ZNF292: variants seen among roughly 807,000 people sequenced by gnomAD.
The protein encoded by ZNF292 is 16 zinc-finger domain protein.
A neutral mutation model predicts 217.9 loss-of-function variants in ZNF292; 26 were observed. The ratio of observed to expected loss-of-function variants is 0.12; its 90% confidence interval spans 0.09 to 0.17. The LOEUF (loss-of-function observed/expected upper bound fraction) is 0.17. Among genes scored for constraint, ZNF292 ranks in the 10% least tolerant of loss-of-function variants. ZNF292 has a pLI of 1.00. For synonymous variants in ZNF292, 1,257 were observed against 1,124.1 expected (o/e 1.12, Z -2.37); for missense variants, 2,904 against 3,175.2 (o/e 0.91, Z 2.05).
At chr6:87,183,467 C>T (rs1264463974) in intron 1 of ZNF292, among the ~76,000 whole-genome samples, 1 of 152,036 alleles carries the variant, frequency 6.6e-6, no homozygotes, top group African/African-American at 2.4e-5. Context: ...CTAAAAGACA[C>T]AATCCTGAAC....
At position 87,264,899 on chromosome 6, in the gene ZNF292, T is replaced by C. The variant is rs79216344; in HGVS notation, c.*3098T>C. Among the ~76,000 whole-genome samples the C allele has an allele frequency of 2.2e-3, 328 of 152,266 alleles. 1 individual carries two copies. The highest frequency in any genetic ancestry group is 7.6e-3 in the African/African-American group (317 of 41,550). The stretch of plus-strand genomic sequence containing the variant: ...GGAGATTAATTAGGGGGACCTAAAA[T>C]AGTCCAGGCAAAAAATGATGGGAGC... On this transcript the variant is annotated 3_prime_UTR_variant, in exon 8 of 8. Transcript: ENST00000369577.
rs1458345513 is a variant in ZNF292, at chr6:87,260,751, C to G, written c.7122C>G (p.Ala2374=). ...ATTCTATAAAGGCTAGAAATGATGCCCTGTCTGAGTGTACAAGCAGATTTG... is the reference window on the plus strand; with the variant it reads ...ATTCTATAAAGGCTAGAAATGATGCGCTGTCTGAGTGTACAAGCAGATTTG... ...HVYSIKARND[A]LSECTSRFVT... Residue 2374 remains alanine (A), a synonymous_variant, in exon 8 of 8, where the codon GCC becomes GCG. Coordinates refer to ENST00000369577, the MANE Select transcript of ZNF292 (RefSeq NM_015021.3). The G allele has an allele frequency of 6.2e-7, 1 of 1,613,074 alleles. No individual in the cohort carries two copies. The highest frequency in any genetic ancestry group is 2.2e-5 in the East Asian group (1 of 44,868).
chr6:87,236,883 C>A (rs1562163056), intron 5 of ZNF292, among the ~76,000 whole-genome samples: 1 of 152,122 alleles, frequency 6.6e-6, no homozygotes, highest in Non-Finnish European at 1.5e-5. Context: ...TTTGTAATAT[C>A]TTTAACCAGA....
At chr6:87,248,573 T>C (rs1390321591) in intron 7 of ZNF292, among the ~76,000 whole-genome samples, 2 of 152,114 alleles carry the variant, frequency 1.3e-5, no homozygotes, top group Admixed American at 1.3e-4. Context: ...CAAGACCCTG[T>C]CTCCAAAACA....
At chr6:87,206,596 T>C (rs975190413) in intron 1 of ZNF292, among the ~76,000 whole-genome samples, 22 of 152,218 alleles carry the variant, frequency 1.4e-4, no homozygotes, top group Admixed American at 5.9e-4. Context: ...AAATGTAATA[T>C]TGACACACCA....
intron 1 of ZNF292, among the ~76,000 whole-genome samples, chr6:87,207,854 C>G (rs1447999877): frequency 6.6e-6 from 1 of 152,034 alleles, no homozygotes; most frequent in Non-Finnish European, 1.5e-5. Flanking sequence ...ATTTTCCAGG[C>G]CCATTGCACA....
chr6:87,258,574 A>G lies in ZNF292; in HGVS notation c.4945A>G (p.Thr1649Ala). 6.2e-7 allele frequency: 1 copy of G among 1,613,758 alleles called. No homozygotes were observed. The highest frequency in any genetic ancestry group is 8.5e-7 in the Non-Finnish European group (1 of 1,179,794). The change falls in exon 8 of 8, where the codon ACA becomes GCA. Residue 1649 changes from threonine to alanine, a missense_variant. Physicochemically the swap from Thr to Ala is moderately conservative, Grantham distance 58 (BLOSUM62 0). Coordinates refer to ENST00000369577, the MANE Select transcript of ZNF292 (RefSeq NM_015021.3). ...IAPNASQNLV[T>A]SDLTTMGLIA... ...ACCTAACGCTTCCCAAAACTTGGTA[A>G]CAAGTGACTTAACAACAATGGGACT...
chr6:87,231,032 C>G (rs1326246826), intron 4 of ZNF292, among the ~76,000 whole-genome samples: 1 of 151,890 alleles, frequency 6.6e-6, no homozygotes, highest in Non-Finnish European at 1.5e-5. Flanking sequence ...AAAGATAAGT[C>G]TGAGAAGCAT....
chr6:87,225,382 C>T (rs184620153), intron 4 of ZNF292, among the ~76,000 whole-genome samples: 3 of 152,122 alleles, frequency 2.0e-5, no homozygotes, highest in Admixed American at 6.5e-5. Context: ...TAAAGTCCTA[C>T]TTCCCAGTTT....
chr6:87,243,280 G>T (rs1349046262), intron 5 of ZNF292, among the ~76,000 whole-genome samples, 195 bp from the exon 6 acceptor site: 12 of 136,228 alleles, frequency 8.8e-5, no homozygotes, highest in African/African-American at 8.2e-5. Context: ...ATAAAGAAAG[G>T]TTTTTTTTTT....
chr6:87,238,167 C>T (rs1773991994), intron 5 of ZNF292, among the ~76,000 whole-genome samples: 2 of 152,018 alleles, frequency 1.3e-5, no homozygotes, highest in South Asian at 4.2e-4. Flanking sequence ...TACACATAGG[C>T]AATCACAAAT....
intron 1 of ZNF292, among the ~76,000 whole-genome samples, chr6:87,187,845 C>A (rs1332645190): frequency 6.6e-6 from 1 of 151,988 alleles, no homozygotes; most frequent in Non-Finnish European, 1.5e-5. Context: ...TGCCTGTAGA[C>A]CCCAGGCATG....
chr6:87,236,747 T>G (rs1035708789), intron 5 of ZNF292, among the ~76,000 whole-genome samples: 1 of 152,240 alleles, frequency 6.6e-6, no homozygotes, highest in Non-Finnish European at 1.5e-5. Context: ...TTTTAATACT[T>G]AAAATCGCAT....
chr6:87,156,784 C>T (rs1770555038), intron 1 of ZNF292, among the ~76,000 whole-genome samples: 1 of 152,360 alleles, frequency 6.6e-6, no homozygotes, highest in South Asian at 2.1e-4. Context: ...ATCATTTCAT[C>T]CATGGTGAAA....
chr6:87,231,262 C>T (rs989905403), intron 4 of ZNF292, among the ~76,000 whole-genome samples: 3 of 152,214 alleles, frequency 2.0e-5, no homozygotes, highest in African/African-American at 7.2e-5. Context: ...GCTGATGCTA[C>T]TTCACAGGTT....
intron 1 of ZNF292, among the ~76,000 whole-genome samples, chr6:87,185,512 C>T (rs1175716316): frequency 6.6e-6 from 1 of 152,176 alleles, no homozygotes; most frequent in African/African-American, 2.4e-5. Context: ...GGAGGTCTTG[C>T]CCTGTAACCC....
intron 5 of ZNF292, among the ~76,000 whole-genome samples, chr6:87,238,400 C>T (rs560010126): frequency 1.1e-4 from 17 of 151,596 alleles, no homozygotes; most frequent in Non-Finnish European, 1.9e-4. Context: ...GCATGAGAAT[C>T]GCTTCATCCT....
At chr6:87,203,155 A>T (rs896529757) in intron 1 of ZNF292, among the ~76,000 whole-genome samples, 10 of 132,274 alleles carry the variant, frequency 7.6e-5, no homozygotes, top group South Asian at 7.2e-4. Context: ...TTTTTTTTTT[A>T]AAGTGAGACA....
chr6:87,180,634 A>G (rs1296475250), intron 1 of ZNF292, among the ~76,000 whole-genome samples: 1 of 152,010 alleles, frequency 6.6e-6, no homozygotes, highest in Non-Finnish European at 1.5e-5. Context: ...GAGATTCTCA[A>G]TGTCCCAACT....
Sources: allele counts gnomAD v4.1 joint callset (sites outside exome capture counted in the v4.1 genomes callset), GRCh38; gene constraint gnomAD v4.1.1; transcripts MANE v1.5; gene names NCBI Gene and HGNC (gene_info 2026-07-23, HGNC 2026-07-21).